Variants in PPFIA2 observed in about 807,000 individuals in gnomAD.
The protein encoded by PPFIA2 is liprin-alpha-2.
In PPFIA2, 46 loss-of-function variants were observed where a neutral mutation model predicts 175.5. The observed-to-expected ratio is 0.26, with a 90% CI of 0.21 to 0.34. The LOEUF is 0.34. Ranked by LOEUF, PPFIA2 falls within the 10% of genes least tolerant of loss-of-function variation. The pLI, the probability that PPFIA2 is intolerant of heterozygous loss-of-function variation, is 1.00. For missense variants in PPFIA2, 1,179 were observed against 1,506.1 expected, an observed-to-expected ratio of 0.78 and a Z score of 3.60; for synonymous variants, 568 against 511.4, an observed-to-expected ratio of 1.11 and a Z score of -1.49.
intron 4 of PPFIA2, among the ~76,000 whole-genome samples, chr12:81,566,305 T>C (rs1359185859): frequency 6.6e-6 from 1 of 151,912 alleles, no homozygotes. Context: ...AGGTAGAGCA[T>C]GAGGTCAAGA....
At chr12:81,718,802 A>T (rs561542976) in intron 3 of PPFIA2, among the ~76,000 whole-genome samples, 1 of 151,732 alleles carries the variant, frequency 6.6e-6, no homozygotes, top group Non-Finnish European at 1.5e-5. Flanking sequence ...CTGTGAGAGG[A>T]TGAGAGACAG....
At chr12:81,481,213 T>C (rs1206015399) in intron 4 of PPFIA2, among the ~76,000 whole-genome samples, 1 of 152,114 alleles carries the variant, frequency 6.6e-6, no homozygotes, top group African/African-American at 2.4e-5. Context: ...CAACTAGAAC[T>C]ACAAACAACT....
At chr12:81,678,592 T>A (rs1306480749) in intron 3 of PPFIA2, among the ~76,000 whole-genome samples, 4 of 151,838 alleles carry the variant, frequency 2.6e-5, no homozygotes, top group Non-Finnish European at 4.4e-5. Context: ...GTATATATAT[T>A]TTTTCTCTAC....
chr12:81,449,516 A>AT (rs2052024880), intron 5 of PPFIA2, among the ~76,000 whole-genome samples: 1 of 150,332 alleles, frequency 6.7e-6, no homozygotes, highest in Non-Finnish European at 1.5e-5. Flanking sequence ...AAAAAATCTG[A>AT]TTTTACAGTG....
intron 4 of PPFIA2, among the ~76,000 whole-genome samples, chr12:81,583,764 C>T (rs1298279112): frequency 6.6e-6 from 1 of 151,782 alleles, no homozygotes; most frequent in African/African-American, 2.4e-5. Flanking sequence ...CTAGGGTCCA[C>T]AGTATGTTTT....
chr12:81,504,332 G>A (rs537451034), intron 4 of PPFIA2, among the ~76,000 whole-genome samples: 13 of 151,952 alleles, frequency 8.6e-5, no homozygotes, highest in South Asian at 4.2e-4. Context: ...AAAAGTGGGC[G>A]AAAGATATGA....
At position 81,299,360 on chromosome 12, in the gene PPFIA2, G is replaced by A. The variant is rs367751209; in HGVS notation, c.2665C>T (p.Arg889Trp). 3 of 1,591,242 alleles carry A rather than the reference G, an allele frequency of 1.9e-6. No individual in the cohort carries two copies. The highest frequency in any genetic ancestry group is 1.3e-5 in the African/African-American group (1 of 74,496). The change falls in exon 23 of 33, where the codon CGG becomes TGG. Residue 889 changes from arginine to tryptophan, a missense_variant. Around this residue, in one of 10 missense-constraint regions of PPFIA2, gnomAD observed 44 missense variants for 81.3 expected, o/e 0.54. Transcript: ENST00000549396. ...TGGGCAAAAGGTAATCCCTTTCTCCGAGCTTCTTCAAGAAGTTCATGCCTG... is the reference window on the plus strand; with the variant it reads ...TGGGCAAAAGGTAATCCCTTTCTCCAAGCTTCTTCAAGAAGTTCATGCCTG... ...KKKHELLEEA[R>W]RKGLPFAQWD...
Position 81,263,193 on chromosome 12 carries a change from C to A in PPFIA2, c.3715+38G>T, listed in dbSNP as rs1162787133. ...ATTATACTAGCTTTGGCTAAACAAGCTTTTTGCTTGATAAGCAGCAATGCA... is the reference window on the plus strand; with the variant it reads ...ATTATACTAGCTTTGGCTAAACAAGATTTTTGCTTGATAAGCAGCAATGCA... On this transcript the variant is annotated intron_variant, in intron 31 of 32. Coordinates refer to ENST00000549396, the MANE Select transcript of PPFIA2 (RefSeq NM_003625.5). 6 of 1,535,580 alleles carry A rather than the reference C, an allele frequency of 3.9e-6. No homozygotes were observed. In the East Asian group the frequency reaches 1.4e-4, roughly 35 times the overall value.
intron 4 of PPFIA2, among the ~76,000 whole-genome samples, chr12:81,526,742 T>C (rs1049995641): frequency 1.3e-5 from 2 of 152,192 alleles, no homozygotes; most frequent in Non-Finnish European, 2.9e-5. Context: ...AAGCAACAAA[T>C]TTTTAAAATA....
chr12:81,296,553 A>G (rs1000396235), intron 23 of PPFIA2: 1 of 152,206 alleles, frequency 6.6e-6, no homozygotes, highest in South Asian at 2.1e-4. Context: ...AAAACACAAC[A>G]AAAAATTAGC....
At chr12:81,675,362 T>C (rs1330566317) in intron 4 of PPFIA2, 1 of 151,954 alleles carries the variant, frequency 6.6e-6, no homozygotes, top group African/African-American at 2.4e-5. Context: ...TGCAAAAGGA[T>C]TTTTTCAACA....
At position 81,585,058 on chromosome 12, in the gene PPFIA2, TTATATAATATATAAATATAATA is replaced by T. The variant is rs557675164; in HGVS notation, c.303+91711_303+91732del. On this transcript the variant is annotated intron_variant, in intron 4 of 32. Coordinates refer to ENST00000549396, the MANE Select transcript of PPFIA2 (RefSeq NM_003625.5). The stretch of plus-strand genomic sequence containing the variant: ...TATTTATATATAATATATTATATAA[TTATATAATATATAAATATAATA>T]TATATAATATATAAAAGAATAAAAA... 4.9e-3 allele frequency among the ~76,000 whole-genome samples: 584 copies of T among 119,020 alleles called. 4 individuals carry two copies. The highest frequency in any genetic ancestry group is 0.016 in the East Asian group (69 of 4,334). The allele number at this position is 119,020 out of a possible 152,430, so 78.1% of individuals were successfully genotyped here.
Position 81,700,560 on chromosome 12 carries a change from A to T in PPFIA2, c.250-23716T>A, listed in dbSNP as rs183410387. Among the ~76,000 whole-genome samples the T allele has an allele frequency of 8.5e-4, 130 of 152,242 alleles. 2 individuals are homozygous for T. In the East Asian group the frequency reaches 0.02, roughly 23 times the overall value. Reference sequence around the variant, plus strand: ...TTTGTTTTAACAAATTCCAAAGCATATGGTTCTGGGAAATGTGTTTCCAAA... The same window carrying T: ...TTTGTTTTAACAAATTCCAAAGCATTTGGTTCTGGGAAATGTGTTTCCAAA... On this transcript the variant is annotated intron_variant, in intron 3 of 32. Coordinates refer to ENST00000549396, the MANE Select transcript of PPFIA2 (RefSeq NM_003625.5).
chr12:81,612,438 A>G (rs1300430165), intron 4 of PPFIA2, among the ~76,000 whole-genome samples: 1 of 151,932 alleles, frequency 6.6e-6, no homozygotes, highest in Non-Finnish European at 1.5e-5. Flanking sequence ...CAAATGAGAA[A>G]CTCCATTCAG....
intron 4 of PPFIA2, among the ~76,000 whole-genome samples, chr12:81,662,179 A>G (rs1443406268): frequency 6.6e-6 from 1 of 152,186 alleles, no homozygotes; most frequent in African/African-American, 2.4e-5. Flanking sequence ...AGCTAGCAGA[A>G]GGCAAGAAAT....
At chr12:81,444,882 G>A (rs1218358334) in intron 6 of PPFIA2, among the ~76,000 whole-genome samples, 3 of 151,930 alleles carry the variant, frequency 2.0e-5, no homozygotes, top group African/African-American at 4.8e-5. Context: ...ATTGAAATAC[G>A]TCATAAGCCT....
chr12:81,368,616 A>T lies in PPFIA2; in HGVS notation c.1482+109T>A, dbSNP rs2034231140. On this transcript the variant is annotated intron_variant, in intron 13 of 32. Transcript: ENST00000549396. ...TTCTAAGAATATACCAGGCATTTTT[A>T]AAAACTAAGTAAATGGATCATCTGA... 2.5e-6 allele frequency: 3 copies of T among 1,176,792 alleles called. No homozygotes were observed. The East Asian group carries it at 7.6e-5, about 30-fold the overall frequency. The allele number at this position is 1,176,792 out of a possible 1,614,324, so 72.9% of individuals were successfully genotyped here. A position where few individuals can be genotyped will look rare whatever the true frequency, so the allele number is the denominator to read the frequency against.
intron 4 of PPFIA2, among the ~76,000 whole-genome samples, chr12:81,637,918 A>G (rs1049569341): frequency 6.6e-6 from 1 of 152,200 alleles, no homozygotes; most frequent in Non-Finnish European, 1.5e-5. Flanking sequence ...TAAAAGGTAT[A>G]GGTATAGATT....
chr12:81,548,087 G>A (rs1023129814), intron 4 of PPFIA2, among the ~76,000 whole-genome samples: 6 of 152,040 alleles, frequency 3.9e-5, no homozygotes, highest in African/African-American at 1.2e-4. Flanking sequence ...ACTATATATC[G>A]TAATTTCCAA....
Sources: allele counts gnomAD v4.1 joint callset (sites outside exome capture counted in the v4.1 genomes callset), GRCh38; gene constraint gnomAD v4.1.1; regional missense constraint gnomAD v4.1.1; transcripts MANE v1.5; gene names NCBI Gene and HGNC (gene_info 2026-07-23, HGNC 2026-07-21).